Variants in RIMS2 observed in about 807,000 individuals in gnomAD.
RIMS2 encodes the protein regulating synaptic membrane exocytosis protein 2.
Under a neutral mutation model 174.4 loss-of-function variants are expected in RIMS2, and 59 were observed. The observed-to-expected ratio is 0.34, with a 90% CI of 0.27 to 0.42. RIMS2 has a LOEUF of 0.42. RIMS2 is among the 10% of genes least tolerant of loss of function. RIMS2 has a pLI of 1.00. For missense variants in RIMS2, 1,620 were observed against 1,666.3 expected (o/e 0.97, Z 0.48); for synonymous variants, 606 against 572.5 (o/e 1.06, Z -0.84).
At chr8:103,872,503 G>A (rs1051333263) in intron 3 of RIMS2, among the ~76,000 whole-genome samples, 6 of 152,146 alleles carry the variant, frequency 3.9e-5, no homozygotes, top group African/African-American at 1.4e-4. Context: ...AGAAGTTTAT[G>A]TTTTTCTCAT....
chr8:104,027,322 C>T (rs956122792), intron 19 of RIMS2, among the ~76,000 whole-genome samples: 4 of 152,140 alleles, frequency 2.6e-5, no homozygotes, highest in Non-Finnish European at 5.9e-5. Context: ...AATTTCTTTT[C>T]CTAACCTTTC....
intron 19 of RIMS2, among the ~76,000 whole-genome samples, chr8:104,163,049 T>C (rs2098773328): frequency 6.6e-6 from 1 of 152,158 alleles, no homozygotes; most frequent in South Asian, 2.1e-4. Context: ...AGCTAAGCAG[T>C]AATGATACTA....
At chr8:104,156,462 A>G (rs1184707938) in intron 19 of RIMS2, among the ~76,000 whole-genome samples, 1 of 152,198 alleles carries the variant, frequency 6.6e-6, no homozygotes, top group African/African-American at 2.4e-5. Flanking sequence ...GCAAACCACA[A>G]TCTAATACTG....
chr8:103,526,849 G>A (rs1037995818), intron 1 of RIMS2, among the ~76,000 whole-genome samples: 9 of 152,180 alleles, frequency 5.9e-5, no homozygotes, highest in Middle Eastern at 3.4e-3. Context: ...AATATTTGAA[G>A]AAATAATGGC....
intron 1 of RIMS2, among the ~76,000 whole-genome samples, chr8:103,518,433 T>C (rs1225377424): frequency 6.6e-6 from 1 of 152,044 alleles, no homozygotes; most frequent in Non-Finnish European, 1.5e-5. Context: ...CATTCAAAGC[T>C]CTTCTGGGCC....
chr8:103,931,465 T>C, intron 12 of RIMS2, 72 bp downstream of exon 14: 1 of 1,046,746 alleles, frequency 9.6e-7, no homozygotes, highest in Non-Finnish European at 1.4e-6. Flanking sequence ...GGTATTTCAA[T>C]TCTGTATCAT....
At chr8:104,034,517 C>T (rs969736230) in intron 19 of RIMS2, among the ~76,000 whole-genome samples, 2 of 138,190 alleles carry the variant, frequency 1.4e-5, no homozygotes, top group Admixed American at 8.2e-5. Context: ...GTTGCCCAGG[C>T]TGGAGTGCAA....
chr8:103,950,560 GA>G (rs2085112411), intron 14 of RIMS2, among the ~76,000 whole-genome samples: 1 of 152,020 alleles, frequency 6.6e-6, no homozygotes, highest in African/African-American at 2.4e-5. Flanking sequence ...ATCATCTCAA[GA>G]AAGAGCATTT....
chr8:103,525,441 C>G (rs1007724088), intron 1 of RIMS2, among the ~76,000 whole-genome samples: 1 of 152,104 alleles, frequency 6.6e-6, no homozygotes, highest in African/African-American at 2.4e-5. Flanking sequence ...AATGTGCTAC[C>G]CACTGTTTGT....
At chr8:104,058,736 A>G (rs1325124307) in intron 19 of RIMS2, among the ~76,000 whole-genome samples, 19 of 152,136 alleles carry the variant, frequency 1.2e-4, no homozygotes, top group Non-Finnish European at 1.0e-4. Flanking sequence ...ATCTTGAATT[A>G]ATTTTTGTAT....
chr8:103,922,581 G>A (rs1369682163), intron 10 of RIMS2: 5 of 348,378 alleles, frequency 1.4e-5, no homozygotes, highest in African/African-American at 1.1e-4. Context: ...GAAATTTCAT[G>A]AGTATTAAAA....
chr8:104,072,172 A>T (rs2097207774), intron 19 of RIMS2, among the ~76,000 whole-genome samples: 1 of 152,204 alleles, frequency 6.6e-6, no homozygotes, highest in Admixed American at 6.5e-5. Flanking sequence ...TCTGAGGTTC[A>T]TCTTCCTCTG....
At chr8:103,624,679 A>G (rs2095735529) in intron 1 of RIMS2, among the ~76,000 whole-genome samples, 1 of 152,168 alleles carries the variant, frequency 6.6e-6, no homozygotes, top group Non-Finnish European at 1.5e-5. Context: ...TTAATACACA[A>G]ACATTTTTAT....
chr8:104,034,209 A>C (rs1312716241), intron 19 of RIMS2, among the ~76,000 whole-genome samples: 5 of 152,280 alleles, frequency 3.3e-5, no homozygotes, highest in African/African-American at 1.2e-4. Flanking sequence ...AATTTATAAT[A>C]CCTGGGAATT....
At chr8:104,213,173 A>G (rs1201915389) in intron 19 of RIMS2, among the ~76,000 whole-genome samples, 1 of 152,092 alleles carries the variant, frequency 6.6e-6, no homozygotes, top group Non-Finnish European at 1.5e-5. Flanking sequence ...TTAGTCAGGC[A>G]TTGTGGCACA....
chr8:103,909,056 G>T (rs772626857), intron 4 of RIMS2, among the ~76,000 whole-genome samples: 1 of 151,966 alleles, frequency 6.6e-6, no homozygotes, highest in South Asian at 2.1e-4. Flanking sequence ...AACATTACTT[G>T]AGGGGTGTTT....
intron 19 of RIMS2, among the ~76,000 whole-genome samples, chr8:104,088,787 T>C (rs1174554805): frequency 6.6e-6 from 1 of 151,998 alleles, no homozygotes; most frequent in East Asian, 1.9e-4. Context: ...AAAATGAAAC[T>C]GATTTTAGAA....
intron 19 of RIMS2, among the ~76,000 whole-genome samples, chr8:104,099,795 C>G (rs556951887): frequency 1.3e-5 from 2 of 151,432 alleles, no homozygotes; most frequent in South Asian, 4.2e-4. Flanking sequence ...ATATGATCGG[C>G]AGAAAACATT....
intron 19 of RIMS2, among the ~76,000 whole-genome samples, chr8:104,132,945 A>G (rs1371507455): frequency 6.6e-6 from 1 of 152,194 alleles, no homozygotes; most frequent in East Asian, 1.9e-4. Flanking sequence ...TGAACCAAAA[A>G]CTTTGTGTTT....
Sources: gnomAD v4.1 joint callset for allele counts (sites outside exome capture counted in the v4.1 genomes callset) on GRCh38, gnomAD v4.1.1 for gene constraint, MANE v1.5 for transcripts, NCBI Gene and HGNC (gene_info 2026-07-23, HGNC 2026-07-21) for gene names.